DENND2B: variants seen among roughly 807,000 people sequenced by gnomAD.
The protein encoded by DENND2B is DENN domain containing 2B.
Under a neutral mutation model 116.0 loss-of-function variants are expected in DENND2B, and 32 were observed. That is an observed-to-expected ratio of 0.28 (90% CI 0.21 to 0.37). The LOEUF (loss-of-function observed/expected upper bound fraction) is 0.37. Ranked by LOEUF, DENND2B falls within the 10% of genes least tolerant of loss-of-function variation. The pLI is 1.00. For missense variants in DENND2B, 1,276 were observed against 1,477.7 expected, an observed-to-expected ratio of 0.86 and a Z score of 2.24; for synonymous variants, 588 against 583.9, an observed-to-expected ratio of 1.01 and a Z score of -0.10.
chr11:8,749,860 T>C (rs956174332), intron 2 of DENND2B, among the ~76,000 whole-genome samples: 28 of 152,222 alleles, frequency 1.8e-4, no homozygotes, highest in African/African-American at 6.5e-4. Context: ...TCTTTTAAGA[T>C]ATCAGTGTCC....
intron 2 of DENND2B, chr11:8,880,954 C>G (rs7104661): frequency 0.17 from 25,169 of 152,024 alleles, 2,223 homozygotes; most frequent in East Asian, 0.31. Context: ...CTTCATTCCC[C>G]CATCTCCTGT....
rs193295808 is a variant in DENND2B at position 8,735,113 on chromosome 11, C to T, written c.81-3904G>A. ...CCGTCACTCGAATCTTGGTTGATCT[C>T]GGTGATTTGCTTTGAGTATAATACA... On this transcript the variant is annotated intron_variant, in intron 2 of 19. Coordinates refer to ENST00000313726, the MANE Select transcript of DENND2B (RefSeq NM_213618.2). Among the ~76,000 whole-genome samples the T allele has an allele frequency of 2.1e-3, 322 of 152,124 alleles. 3 individuals carry two copies. The highest frequency in any genetic ancestry group is 7.5e-3 in the African/African-American group (310 of 41,488).
intron 13 of DENND2B, chr11:8,703,593 T>C (rs1035328237): frequency 6.6e-6 from 1 of 152,310 alleles, no homozygotes; most frequent in African/African-American, 2.4e-5. Flanking sequence ...GCAGCATAGA[T>C]GTGCAGGCCT....
chr11:8,715,679 G>A lies in DENND2B; in HGVS notation c.1769C>T (p.Pro590Leu). The stretch of plus-strand genomic sequence containing the variant: ...GAGGCTGTCTTCATTGAGGCTGGAG[G>A]GTGAGGACGGCAGACTCAGCTGAGC... ...LLAQLSLPSS[P>L]SSLNEDSLST... The change falls in exon 6 of 20, where the codon CCC (proline) becomes CTC (leucine). Residue 590 changes from proline (P) to leucine (L), a missense_variant. By Grantham distance (98) the Pro-to-Leu change is moderately conservative (BLOSUM62 -3). Around this residue, in one of 2 missense-constraint regions of DENND2B, gnomAD observed 856 missense variants for 846.6 expected, o/e 1.01. Transcript: ENST00000313726. 1.2e-6 allele frequency: 2 copies of A among 1,614,212 alleles called. No individual in the cohort carries two copies. The highest frequency in any genetic ancestry group is 8.5e-7 in the Non-Finnish European group (1 of 1,180,046).
chr11:8,847,343 G>A (rs2062851048), intron 3 of DENND2B, among the ~76,000 whole-genome samples: 1 of 152,126 alleles, frequency 6.6e-6, no homozygotes, highest in Admixed American at 6.5e-5. Context: ...ATTATAATTA[G>A]GTGATCATTA....
intron 1 of DENND2B, among the ~76,000 whole-genome samples, chr11:8,759,788 G>C (rs2054269233): frequency 6.6e-6 from 1 of 152,172 alleles, no homozygotes; most frequent in South Asian, 2.1e-4. Context: ...ACTCCTTCCT[G>C]CACCTCTCCT....
At chr11:8,852,564 G>C (rs914766303) in intron 3 of DENND2B, among the ~76,000 whole-genome samples, 9 of 152,222 alleles carry the variant, frequency 5.9e-5, no homozygotes, top group African/African-American at 2.2e-4. Context: ...TCTGGGAAGA[G>C]GCATCAGGTG....
intron 1 of DENND2B, among the ~76,000 whole-genome samples, chr11:8,891,654 A>T (rs904142063): frequency 5.5e-4 from 84 of 152,202 alleles, no homozygotes; most frequent in Admixed American, 9.2e-4. Flanking sequence ...AGGCCATTAC[A>T]TAATGGTAAA....
intron 1 of DENND2B, among the ~76,000 whole-genome samples, chr11:8,765,623 A>G (rs1358202339): frequency 6.6e-6 from 1 of 152,266 alleles, no homozygotes; most frequent in Non-Finnish European, 1.5e-5. Flanking sequence ...TGCAGTACCT[A>G]GTACATCCCA....
chr11:8,720,162 A>G (rs1203259117), intron 4 of DENND2B, among the ~76,000 whole-genome samples: 2 of 152,098 alleles, frequency 1.3e-5, no homozygotes, highest in East Asian at 1.9e-4. Flanking sequence ...TTGTCCCCCA[A>G]CTGAGAACCA....
chr11:8,898,293 G>A (rs546887222), intron 1 of DENND2B, among the ~76,000 whole-genome samples: 12 of 152,290 alleles, frequency 7.9e-5, no homozygotes, highest in Non-Finnish European at 1.2e-4. Flanking sequence ...TCAAGAGGCT[G>A]AGGAGGGACA....
At chr11:8,832,236 AG>A (rs1231955773) in intron 4 of DENND2B, among the ~76,000 whole-genome samples, 1 of 152,174 alleles carries the variant, frequency 6.6e-6, no homozygotes, top group Non-Finnish European at 1.5e-5. Context: ...GCGGATCACA[AG>A]GTCAAGAGAT....
At chr11:8,762,486 G>C (rs562764419) in intron 1 of DENND2B, among the ~76,000 whole-genome samples, 1 of 152,336 alleles carries the variant, frequency 6.6e-6, no homozygotes, top group Non-Finnish European at 1.5e-5. Context: ...AAATTCAAAA[G>C]GGGGCCTCCC....
Position 8,712,495 on chromosome 11 carries a change from G to C in DENND2B, c.2172+56C>G. ...CTCTCCTTCCCCAGATAGGCCTGGC[G>C]GATAGAGGATGGAAGAGGGGGAATA... On this transcript the variant is annotated intron_variant, in intron 9 of 19. Coordinates refer to ENST00000313726, the MANE Select transcript of DENND2B (RefSeq NM_213618.2). This position sits in a 1 kb window ranked among gnomAD's most constrained non-coding sequence, Gnocchi z 4.4. The C allele has an allele frequency of 6.6e-7, 1 of 1,505,358 alleles. No individual in the cohort carries two copies. The highest frequency in any genetic ancestry group is 9.0e-7 in the Non-Finnish European group (1 of 1,115,556). The allele number at this position is 1,505,358 out of a possible 1,614,324, so 93.3% of individuals were successfully genotyped here. A position where few individuals can be genotyped will look rare whatever the true frequency, so the allele number is the denominator to read the frequency against.
At chr11:8,809,641 A>C (rs1315142468) in intron 1 of DENND2B, 2 of 152,252 alleles carry the variant, frequency 1.3e-5, no homozygotes, top group Non-Finnish European at 2.9e-5. Flanking sequence ...TCTAGGTCAG[A>C]ACAAGTTTTA....
At chr11:8,708,055 G>C in intron 11 of DENND2B, 1 of 1,497,498 alleles carries the variant, frequency 6.7e-7, no homozygotes, top group Non-Finnish European at 8.9e-7. Context: ...AGCTCTGCAG[G>C]GTCTCCCAGC....
At chr11:8,898,039 A>C (rs560418973) in intron 1 of DENND2B, among the ~76,000 whole-genome samples, 1 of 152,320 alleles carries the variant, frequency 6.6e-6, no homozygotes, top group South Asian at 2.1e-4. Flanking sequence ...CTCCTAAAGC[A>C]CTGGGATTAT....
intron 10 of DENND2B, 52 bp downstream of exon 10, chr11:8,711,069 TG>T (rs1387351715): frequency 1.3e-6 from 2 of 1,590,350 alleles, no homozygotes; most frequent in African/African-American, 1.3e-5. Context: ...GCCCACGCTA[TG>T]GGGGTAAAGA....
chr11:8,697,680 A>G (rs1232303136), intron 16 of DENND2B, 44 bp from the exon 17 acceptor site: 1 of 1,303,418 alleles, frequency 7.7e-7, no homozygotes. Flanking sequence ...GCTGACACTG[A>G]GCACTTACTA....
Sources: gnomAD v4.1 joint callset for allele counts (sites outside exome capture counted in the v4.1 genomes callset) on GRCh38, gnomAD v4.1.1 for gene constraint, gnomAD v4.1.1 regional missense constraint, Gnocchi (gnomAD v3.1) non-coding constraint, MANE v1.5 for transcripts, NCBI Gene and HGNC (gene_info 2026-07-23, HGNC 2026-07-21) for gene names.